SLC25A12: variants seen among roughly 807,000 people sequenced by gnomAD.
SLC25A12 encodes the protein solute carrier family 25 member 12, also known as electrogenic aspartate/glutamate antiporter SLC25A12, mitochondrial.
Under a neutral mutation model 83.3 loss-of-function variants are expected in SLC25A12, and 32 were observed. The observed-to-expected ratio is 0.38, with a 90% CI of 0.29 to 0.52. SLC25A12 has a LOEUF of 0.52. Among genes scored for constraint, SLC25A12 ranks in the 20% least tolerant of loss-of-function variants. The pLI is 0.84. For synonymous variants in SLC25A12, 267 were observed against 291.1 expected, an observed-to-expected ratio of 0.92 and a Z score of 0.84; for missense variants, 611 against 835.6, an observed-to-expected ratio of 0.73 and a Z score of 3.31.
intron 2 of SLC25A12, among the ~76,000 whole-genome samples, chr2:171,884,856 A>C (rs963369403): frequency 2.6e-5 from 4 of 152,022 alleles, no homozygotes; most frequent in African/African-American, 9.7e-5. Context: ...AAACAGCTCT[A>C]TCTTATCTCT....
chr2:171,848,305 G>C (rs1206208288), intron 4 of SLC25A12: 1 of 470,858 alleles, frequency 2.1e-6, no homozygotes, highest in Non-Finnish European at 4.4e-6. Flanking sequence ...TCAGCCCTGT[G>C]ACACAGCCCA....
Position 171,784,401 on chromosome 2 carries a change from G to C in SLC25A12, c.*873C>G, listed in dbSNP as rs1258763556. 6.6e-6 allele frequency: 1 copy of C among 152,220 alleles called. No individual in the cohort carries two copies. Among genetic ancestry groups the C allele is most frequent in the African/African-American group, 2.4e-5 (1 of 41,454 alleles). The allele number at this position is 152,220 out of a possible 1,614,324, so 9.4% of individuals were successfully genotyped here. A position where few individuals can be genotyped will look rare whatever the true frequency, so the allele number is the denominator to read the frequency against. ...TTGGTGTGCATTTTATTTTTGACTG[G>C]AATCATATCCATATGAAGGGAAATT... On this transcript the variant is annotated 3_prime_UTR_variant, in exon 18 of 18. Coordinates refer to ENST00000422440, the MANE Select transcript of SLC25A12 (RefSeq NM_003705.5).
rs1685042972 is a variant in SLC25A12 at position 171,856,244 on chromosome 2, T to A, written c.210-295A>T. On this transcript the variant is annotated intron_variant, in intron 3 of 17. Coordinates refer to ENST00000422440, the MANE Select transcript of SLC25A12 (RefSeq NM_003705.5). ...GAATCTGATCAAGTCTCTGGATCAG[T>A]TTCTCAACCTCAGTACTGGTGACAT... 3.9e-5 allele frequency among the ~76,000 whole-genome samples: 6 copies of A among 152,088 alleles called. No homozygotes were observed. In the South Asian group the frequency reaches 1.0e-3, roughly 26 times the overall value.
At chr2:171,886,289 G>A (rs1195455101) in intron 2 of SLC25A12, among the ~76,000 whole-genome samples, 1 of 142,318 alleles carries the variant, frequency 7.0e-6, no homozygotes, top group Non-Finnish European at 1.5e-5. Context: ...GGAGTGCAGT[G>A]GTGCACATGG....
chr2:171,850,259 G>A lies in SLC25A12; in HGVS notation c.325+5575C>T, dbSNP rs545158423. Among the ~76,000 whole-genome samples, 3 of 150,720 alleles carry A rather than the reference G, an allele frequency of 2.0e-5. No homozygotes were observed. In the South Asian group the frequency reaches 6.3e-4, roughly 32 times the overall value. ...GCCTCCCAAGTAGCTGAGATTACAG[G>A]CACATGCCACCACGCCCGGCTAATT... On this transcript the variant is annotated intron_variant, in intron 4 of 17. Transcript: ENST00000422440.
At chr2:171,891,768 C>T (rs541897505) in intron 2 of SLC25A12, among the ~76,000 whole-genome samples, 1 of 152,258 alleles carries the variant, frequency 6.6e-6, no homozygotes, top group Admixed American at 6.5e-5. Flanking sequence ...TTCAAGAATG[C>T]CTGCAAGGAA....
At chr2:171,829,517 G>A (rs1177320849) in intron 8 of SLC25A12, among the ~76,000 whole-genome samples, 2 of 152,094 alleles carry the variant, frequency 1.3e-5, no homozygotes, top group African/African-American at 4.8e-5. Flanking sequence ...CAAGGGCCCT[G>A]CTAAGTCCCC....
At chr2:171,830,616 CT>C (rs1414725870) in intron 8 of SLC25A12, among the ~76,000 whole-genome samples, 1 of 152,108 alleles carries the variant, frequency 6.6e-6, no homozygotes, top group Non-Finnish European at 1.5e-5. Flanking sequence ...CGGGTTCAAG[CT>C]ATTCTCCTGC....
In SLC25A12 at chr2:171,837,146, G is replaced by C; in HGVS notation, c.587C>G (p.Pro196Arg). ...TGAAACTAAGTTCTCCTCCACAAAA[G>C]GAGTAAGCATGTGAGATCTAATGGT... ...MVTIRSHMLT[P>R]FVEENLVSAA... is the part of the protein sequence containing the mutation. The change falls in exon 6 of 18, where the codon CCT becomes CGT. Residue 196 changes from proline (P) to arginine (R), a missense_variant. Physicochemically the swap from Pro to Arg is moderately radical, Grantham distance 103. Transcript: ENST00000422440. 6.2e-7 allele frequency: 1 copy of C among 1,614,032 alleles called. No homozygotes were observed. The highest frequency in any genetic ancestry group is 8.5e-7 in the Non-Finnish European group (1 of 1,179,964).
chr2:171,821,186 T>C (rs748480780), intron 9 of SLC25A12, among the ~76,000 whole-genome samples: 10 of 151,830 alleles, frequency 6.6e-5, no homozygotes, highest in Admixed American at 6.6e-4. Context: ...TGCACCACTA[T>C]GCCTGGCTAA....
At chr2:171,857,692 A>AT (rs991604616) in intron 3 of SLC25A12, among the ~76,000 whole-genome samples, 26 of 151,596 alleles carry the variant, frequency 1.7e-4, no homozygotes, top group African/African-American at 5.8e-4. Context: ...TTAAAAAAAA[A>AT]TTTTTTTTAA....
chr2:171,828,622 T>G (rs759988969), intron 8 of SLC25A12, among the ~76,000 whole-genome samples: 16 of 152,204 alleles, frequency 1.1e-4, no homozygotes, highest in Non-Finnish European at 1.6e-4. Flanking sequence ...GTCGAGGGCC[T>G]GAGTGGAATA....
intron 13 of SLC25A12, among the ~76,000 whole-genome samples, chr2:171,799,530 C>T (rs897973387): frequency 2.4e-4 from 36 of 152,208 alleles, no homozygotes; most frequent in Non-Finnish European, 4.6e-4. Context: ...GTAAATGCTC[C>T]GCCTAACATG....
chr2:171,877,219 A>C (rs1376775215), intron 2 of SLC25A12, among the ~76,000 whole-genome samples: 1 of 152,202 alleles, frequency 6.6e-6, no homozygotes. Context: ...ACACTGAACT[A>C]TCTCTAGCTC....
In SLC25A12 at chr2:171,882,886, C is replaced by T. The variant is rs151293988; in HGVS notation, c.66+10319G>A. Among the ~76,000 whole-genome samples, 285 of 152,164 alleles carry T rather than the reference C, an allele frequency of 1.9e-3. 1 individual carries two copies. Among genetic ancestry groups the T allele is most frequent in the Non-Finnish European group, 1.7e-3 (113 of 68,018 alleles). On this transcript the variant is annotated intron_variant, in intron 2 of 17. Transcript: ENST00000422440. Reference sequence around the variant, plus strand: ...GGGATTTCAGAGCCTATGGCTGGACCGTTATTCTTTTACACGTCCAGACTG... The same window carrying T: ...GGGATTTCAGAGCCTATGGCTGGACTGTTATTCTTTTACACGTCCAGACTG...
chr2:171,883,775 T>C (rs894698130), intron 2 of SLC25A12, among the ~76,000 whole-genome samples: 4 of 152,200 alleles, frequency 2.6e-5, no homozygotes, highest in African/African-American at 9.6e-5. Flanking sequence ...TGAAAAATGA[T>C]TTAAAAAATG....
chr2:171,812,635 T>C (rs1269090468), intron 11 of SLC25A12, among the ~76,000 whole-genome samples: 3 of 151,840 alleles, frequency 2.0e-5, no homozygotes, highest in South Asian at 4.2e-4. Flanking sequence ...GTGGGGAAAA[T>C]TCTGCATGGG....
At chr2:171,829,447 A>G in intron 8 of SLC25A12, among the ~76,000 whole-genome samples, 1 of 152,066 alleles carries the variant, frequency 6.6e-6, no homozygotes. Flanking sequence ...GGGCAATGGC[A>G]ACCACCCCCA....
chr2:171,878,555 G>T (rs1435421537), intron 2 of SLC25A12, among the ~76,000 whole-genome samples: 3 of 151,928 alleles, frequency 2.0e-5, no homozygotes, highest in African/African-American at 7.3e-5. Context: ...GTATTCCTGG[G>T]CTTACCACGA....
Sources: gnomAD v4.1 joint callset for allele counts (sites outside exome capture counted in the v4.1 genomes callset) on GRCh38, gnomAD v4.1.1 for gene constraint, MANE v1.5 for transcripts, NCBI Gene and HGNC (gene_info 2026-07-23, HGNC 2026-07-21) for gene names.